SORBS3: variants seen among roughly 807,000 people sequenced by gnomAD.
SORBS3 encodes the protein sorbin and SH3 domain containing 3, also known as vinexin.
SORBS3 carries 69 observed loss-of-function variants against 98.0 expected under a neutral mutation model. The observed-to-expected ratio is 0.70, with a 90% CI of 0.58 to 0.86. The LOEUF (loss-of-function observed/expected upper bound fraction) is 0.86. Among genes scored for constraint, SORBS3 ranks in the 40% least tolerant of loss-of-function variants. The pLI, the probability that SORBS3 is intolerant of heterozygous loss-of-function variation, is 0.00. For missense variants in SORBS3, 954 were observed against 908.5 expected (o/e 1.05, Z -0.64); for synonymous variants, 394 against 355.4 (o/e 1.11, Z -1.22).
At chr8:22,570,689 A>T (rs1840551094) in intron 17 of SORBS3, among the ~76,000 whole-genome samples, 1 of 152,164 alleles carries the variant, frequency 6.6e-6, no homozygotes, top group East Asian at 1.9e-4. Flanking sequence ...TTGAGCTTCC[A>T]AGAGGCAGGA....
At chr8:22,550,049 A>G (rs1840058288), upstream of SORBS3, 2 of 983,986 alleles carry the variant, frequency 2.0e-6, no homozygotes, top group Non-Finnish European at 1.2e-6. Flanking sequence ...AGTCCCAAGG[A>G]CCCTGACAGG....
At chr8:22,565,053 C>T in intron 10 of SORBS3, 1 of 1,418,846 alleles carries the variant, frequency 7.0e-7, no homozygotes, top group Non-Finnish European at 9.2e-7. Context: ...CGCGTAGGCA[C>T]TCCCGGGGCG....
chr8:22,571,656 A>T (rs1183527325), intron 18 of SORBS3, 62 bp from the exon 19 acceptor site: 1 of 1,315,160 alleles, frequency 7.6e-7, no homozygotes, highest in African/African-American at 1.4e-5. Context: ...CTCCTCCCTC[A>T]GGCTTACATG....
chr8:22,566,675 A>G lies in SORBS3; in HGVS notation c.1105A>G (p.Asn369Asp). The part of the protein sequence containing the change: ...PSSTRDPSAS[N>D]GGGSPARREE... The stretch of plus-strand genomic sequence containing the variant: ...CTTCTCCACAGACCCTAGTGCCTCT[A>G]ACGGAGGGGGCAGCCCAGCCAGGAG... The change falls in exon 14 of 21, where the codon AAC (asparagine) becomes GAC (aspartate). Residue 369 changes from asparagine (N) to aspartate (D), a missense_variant. Asn to Asp is a conservative substitution (Grantham distance 23). Transcript: ENST00000240123. 1.2e-6 allele frequency: 2 copies of G among 1,608,916 alleles called. No individual in the cohort carries two copies. Among genetic ancestry groups the G allele is most frequent in the Non-Finnish European group, 1.7e-6 (2 of 1,178,472 alleles).
intron 12 of SORBS3, 128 bp downstream of exon 12, chr8:22,566,000 C>T (rs1207626737): frequency 3.0e-6 from 2 of 672,804 alleles, no homozygotes; most frequent in Non-Finnish European, 2.1e-6. Context: ...ACCGCAGAGC[C>T]GTGTCCGGGA....
At chr8:22,559,569 G>A (rs1003753289) in intron 5 of SORBS3, among the ~76,000 whole-genome samples, 10 of 151,982 alleles carry the variant, frequency 6.6e-5, no homozygotes, top group Admixed American at 3.3e-4. Context: ...TGGATGTGGC[G>A]GCATGCACCT....
chr8:22,564,305 T>A lies in SORBS3; in HGVS notation c.698T>A (p.Val233Glu). ...SNQVLRRREK[V>E]DNVWTEESWN... ...CAGGTGCTCAGACGCCGGGAAAAAG[T>A]AGACAATGTCTGGACGGAAGAGTCC... Residue 233 changes from valine (V) to glutamate (E), a missense_variant, in exon 9 of 21, where the codon GTA becomes GAA. By Grantham distance (121) the Val-to-Glu change is moderately radical (BLOSUM62 -2). Coordinates refer to ENST00000240123, the MANE Select transcript of SORBS3 (RefSeq NM_005775.5). 6.2e-7 allele frequency: 1 copy of A among 1,610,414 alleles called. No homozygotes were observed. Among genetic ancestry groups the A allele is most frequent in the Non-Finnish European group, 8.5e-7 (1 of 1,178,040 alleles).
At chr8:22,548,150 T>C (rs943800834), upstream of SORBS3, among the ~76,000 whole-genome samples, 1 of 152,208 alleles carries the variant, frequency 6.6e-6, no homozygotes, top group African/African-American at 2.4e-5. Context: ...ACCAGAAATC[T>C]TGAATTCCAG....
In SORBS3 at chr8:22,561,543, G is replaced by A. The variant is rs113637100; in HGVS notation, c.517+170G>A. On this transcript the variant is annotated intron_variant, in intron 6 of 20. Transcript: ENST00000240123. ...GAGCACTTCAAATCCCCCGGTAGGT[G>A]GTAATTAACAGCCTCAGCTTGCACG... 3,966 of 704,000 alleles carry A rather than the reference G, an allele frequency of 5.6e-3. 103 individuals are homozygous for A. Among genetic ancestry groups the A allele is most frequent in the African/African-American group, 0.055 (3,103 of 56,390 alleles). The allele number at this position is 704,000 out of a possible 1,614,324, so 43.6% of individuals were successfully genotyped here. A position where few individuals can be genotyped will look rare whatever the true frequency, so the allele number is the denominator to read the frequency against.
intron 10 of SORBS3, chr8:22,564,778 G>A: frequency 6.6e-6 from 9 of 1,362,136 alleles, no homozygotes; most frequent in Non-Finnish European, 8.5e-6. Flanking sequence ...GGATTATCAG[G>A]AAATATTCTT....
Position 22,556,716 on chromosome 8 carries a change from C to T in SORBS3, c.222C>T (p.Asp74=). ...TPRRDASQHP[D]PAWYQTWPGP... ...TGCTCTCCTGCACGCACCCAACAGA[C>T]CCTGCGTGGTATCAGACCTGGCCAG... is the stretch of plus-strand genomic sequence containing the variant. The change falls in exon 4 of 21, where the codon GAC becomes GAT. Residue 74 remains aspartate, a splice_region_variant and synonymous_variant. Coordinates refer to ENST00000240123, the MANE Select transcript of SORBS3 (RefSeq NM_005775.5). The T allele has an allele frequency of 6.2e-7, 1 of 1,613,708 alleles. No individual in the cohort carries two copies. Among genetic ancestry groups the T allele is most frequent in the Non-Finnish European group, 8.5e-7 (1 of 1,179,994 alleles).
chr8:22,573,544 G>T (rs1840645291), intron 20 of SORBS3: 1 of 407,188 alleles, frequency 2.5e-6, no homozygotes, highest in Non-Finnish European at 4.9e-6. Context: ...GTGGCGAGTG[G>T]TGCCCATTTT....
At chr8:22,560,604 C>T (rs1041309306) in intron 5 of SORBS3, among the ~76,000 whole-genome samples, 5 of 152,072 alleles carry the variant, frequency 3.3e-5, no homozygotes, top group Admixed American at 6.6e-5. Flanking sequence ...GATTTGGCAA[C>T]GTGGAGGTCA....
chr8:22,547,938 T>A (rs1039425324), upstream of SORBS3, among the ~76,000 whole-genome samples: 10 of 152,222 alleles, frequency 6.6e-5, no homozygotes, highest in Non-Finnish European at 1.2e-4. Context: ...TTTGGGAGAT[T>A]GGCCCTGAGA....
At chr8:22,560,780 C>T (rs1282927776) in intron 5 of SORBS3, among the ~76,000 whole-genome samples, 1 of 150,756 alleles carries the variant, frequency 6.6e-6, no homozygotes, top group African/African-American at 2.4e-5. Flanking sequence ...GGTGTGGGGT[C>T]CAGTGAGGGG....
In SORBS3 at chr8:22,564,452, C is replaced by A. The variant is rs1840362475; in HGVS notation, c.763-16C>A. 6.2e-7 allele frequency: 1 copy of A among 1,613,990 alleles called. No homozygotes were observed. The highest frequency in any genetic ancestry group is 1.3e-5 in the African/African-American group (1 of 74,932). ...AGTGAGTTCACCTGCTCTGACACAC[C>A]CTTTCTACCCTTCAGCCCAAGAAAC... On this transcript the variant is annotated splice_polypyrimidine_tract_variant and intron_variant, in intron 9 of 20. Coordinates refer to ENST00000240123, the MANE Select transcript of SORBS3 (RefSeq NM_005775.5).
intron 11 of SORBS3, 100 bp from the exon 12 acceptor site, chr8:22,565,725 TC>T: frequency 8.1e-7 from 1 of 1,239,052 alleles, no homozygotes; most frequent in Non-Finnish European, 1.0e-6. Flanking sequence ...TCCCGCCCGC[TC>T]TCCTCCCCTC....
At chr8:22,569,465 G>A (rs1185422298) in intron 17 of SORBS3, among the ~76,000 whole-genome samples, 192 bp downstream of exon 17, 2 of 151,880 alleles carry the variant, frequency 1.3e-5, no homozygotes, top group African/African-American at 2.4e-5. Flanking sequence ...TCAGCTTCCC[G>A]AGTAGCTGGG....
chr8:22,563,085 C>T (rs996321296), intron 7 of SORBS3, among the ~76,000 whole-genome samples: 3 of 151,742 alleles, frequency 2.0e-5, no homozygotes, highest in Non-Finnish European at 4.4e-5. Context: ...CGCCACTGCA[C>T]TCCAGCCTGG....
Sources: gnomAD v4.1 joint callset for allele counts (sites outside exome capture counted in the v4.1 genomes callset) on GRCh38, gnomAD v4.1.1 for gene constraint, MANE v1.5 for transcripts, NCBI Gene and HGNC (gene_info 2026-07-23, HGNC 2026-07-21) for gene names.